FMNL2: variants seen among roughly 807,000 people sequenced by gnomAD.
The protein encoded by FMNL2 is formin like 2.
A neutral mutation model predicts 130.2 loss-of-function variants in FMNL2; 51 were observed. That is an observed-to-expected ratio of 0.39 (90% CI 0.31 to 0.49). The LOEUF (loss-of-function observed/expected upper bound fraction) is 0.49, where lower values mean the gene tolerates loss of function less well. FMNL2 is among the 20% of genes least tolerant of loss of function. The pLI is 0.85. For missense variants in FMNL2, 977 were observed against 1,316.2 expected (o/e 0.74, Z 3.99); for synonymous variants, 465 against 467.1 (o/e 1.00, Z 0.06).
At chr2:152,637,896 G>C (rs1682758788) in intron 23 of FMNL2, among the ~76,000 whole-genome samples, 2 of 152,222 alleles carry the variant, frequency 1.3e-5, no homozygotes, top group Non-Finnish European at 1.5e-5. Flanking sequence ...CAAAGCTCTT[G>C]GCAGCCCCCT....
At chr2:152,418,947 A>T (rs1336449969) in intron 1 of FMNL2, among the ~76,000 whole-genome samples, 3 of 147,774 alleles carry the variant, frequency 2.0e-5, no homozygotes, top group African/African-American at 7.5e-5. Flanking sequence ...CCATATCCTT[A>T]TATGCTTGCA....
At chr2:152,377,345 A>G (rs1194734370) in intron 1 of FMNL2, among the ~76,000 whole-genome samples, 1 of 152,230 alleles carries the variant, frequency 6.6e-6, no homozygotes, top group East Asian at 1.9e-4. Flanking sequence ...TTTAGTGTCA[A>G]AATTCTCAGA....
At chr2:152,647,676 G>A in intron 25 of FMNL2, 120 bp from the exon 26 acceptor site, 1 of 820,194 alleles carries the variant, frequency 1.2e-6, no homozygotes, top group Non-Finnish European at 2.1e-6. Flanking sequence ...GAGTTTGAAG[G>A]GCCCATTAGC....
chr2:152,374,116 A>G (rs1684036533), intron 1 of FMNL2, among the ~76,000 whole-genome samples: 1 of 152,196 alleles, frequency 6.6e-6, no homozygotes, highest in South Asian at 2.1e-4. Context: ...GAAACATCTC[A>G]GTTATGTATG....
chr2:152,600,698 G>T (rs1209825012), intron 9 of FMNL2, among the ~76,000 whole-genome samples: 1 of 151,170 alleles, frequency 6.6e-6, no homozygotes, highest in African/African-American at 2.4e-5. Flanking sequence ...GTTCACAAAT[G>T]TCTTTCACAG....
At chr2:152,575,625 G>A (rs879934348) in intron 7 of FMNL2, among the ~76,000 whole-genome samples, 3 of 152,084 alleles carry the variant, frequency 2.0e-5, no homozygotes, top group Admixed American at 1.3e-4. Context: ...AATTTGTGAC[G>A]TATTTAAAGG....
chr2:152,389,860 G>T, intron 1 of FMNL2: 1 of 1,062,864 alleles, frequency 9.4e-7, no homozygotes, highest in South Asian at 1.3e-5. Flanking sequence ...TTTCAGCCAC[G>T]ACAATCAGCT....
chr2:152,429,099 T>C (rs1446052122), intron 1 of FMNL2, among the ~76,000 whole-genome samples: 1 of 151,060 alleles, frequency 6.6e-6, no homozygotes, highest in African/African-American at 2.4e-5. Flanking sequence ...ACCTGGGTGA[T>C]GGGATGATCT....
At chr2:152,341,988 T>A (rs1020092334) in intron 1 of FMNL2, among the ~76,000 whole-genome samples, 4 of 152,138 alleles carry the variant, frequency 2.6e-5, no homozygotes, top group African/African-American at 9.7e-5. Context: ...CTCTTTGAGG[T>A]GAGTCTGCAA....
At chr2:152,419,797 T>C (rs1010320389) in intron 1 of FMNL2, among the ~76,000 whole-genome samples, 6 of 151,958 alleles carry the variant, frequency 3.9e-5, no homozygotes, top group African/African-American at 1.5e-4. Flanking sequence ...CCCTGTGACC[T>C]GTTTTGGAAC....
intron 1 of FMNL2, among the ~76,000 whole-genome samples, chr2:152,347,707 G>GACAC (rs1372999158): frequency 6.6e-6 from 1 of 152,136 alleles, no homozygotes; most frequent in African/African-American, 2.4e-5. Context: ...ATAAGACTGT[G>GACAC]AATTTCATGT....
At chr2:152,378,112 G>GA (rs373312727) in intron 1 of FMNL2, among the ~76,000 whole-genome samples, 70,180 of 119,860 alleles carry the variant, frequency 0.59, 21,099 homozygotes, top group Non-Finnish European at 0.7. Flanking sequence ...ACCCTGTCTT[G>GA]AAAAAAAAAA....
rs376605258 is a variant in FMNL2 at position 152,360,657 on chromosome 2, A to G, written c.117+24937A>G. ...ATTTTACATTTATGGCCCAGTATAT[A>G]TAAGTTCTGTATATTCAAAGGAAAT... On this transcript the variant is annotated intron_variant, in intron 1 of 25. Transcript: ENST00000288670. 9.4e-4 allele frequency among the ~76,000 whole-genome samples: 143 copies of G among 152,358 alleles called. No individual in the cohort carries two copies. The East Asian group carries it at 0.019, about 20-fold the overall frequency.
chr2:152,406,061 A>G (rs1685962265), intron 1 of FMNL2, among the ~76,000 whole-genome samples: 1 of 152,088 alleles, frequency 6.6e-6, no homozygotes, highest in Non-Finnish European at 1.5e-5. Flanking sequence ...TTGTGACTAC[A>G]AAAGGAGGCT....
At chr2:152,472,991 T>C (rs1227683187) in intron 1 of FMNL2, among the ~76,000 whole-genome samples, 2 of 152,220 alleles carry the variant, frequency 1.3e-5, no homozygotes, top group African/African-American at 4.8e-5. Context: ...AGGTTCCTTT[T>C]AGTAAGTGAG....
chr2:152,619,235 T>C, intron 14 of FMNL2, 77 bp downstream of exon 14: 1 of 1,463,472 alleles, frequency 6.8e-7, no homozygotes, highest in Non-Finnish European at 9.1e-7. Context: ...TCCACTTCTG[T>C]CCTTTGTCCG....
At chr2:152,459,814 C>T (rs922702732) in intron 1 of FMNL2, among the ~76,000 whole-genome samples, 8 of 152,116 alleles carry the variant, frequency 5.3e-5, no homozygotes, top group African/African-American at 1.9e-4. Context: ...CTCAACAAAG[C>T]TGCAAAAGAA....
At chr2:152,386,765 C>G (rs1362709388) in intron 1 of FMNL2, among the ~76,000 whole-genome samples, 1 of 152,156 alleles carries the variant, frequency 6.6e-6, no homozygotes, top group Non-Finnish European at 1.5e-5. Flanking sequence ...TCATCACTGT[C>G]TTTTGGCATC....
intron 1 of FMNL2, among the ~76,000 whole-genome samples, chr2:152,507,881 A>G (rs1157690414): frequency 1.3e-5 from 2 of 152,148 alleles, no homozygotes; most frequent in Non-Finnish European, 2.9e-5. Context: ...GAACCCAGGT[A>G]TGAGTAATTC....
Sources: gnomAD v4.1 joint callset for allele counts (sites outside exome capture counted in the v4.1 genomes callset) on GRCh38, gnomAD v4.1.1 for gene constraint, MANE v1.5 for transcripts, NCBI Gene and HGNC (gene_info 2026-07-23, HGNC 2026-07-21) for gene names.